The following PLPP4 variants were observed in gnomAD, a reference collection of about 807,000 sequenced individuals.
The protein encoded by PLPP4 is diacylglycerol pyrophosphate like 2.
A neutral mutation model predicts 32.2 loss-of-function variants in PLPP4; 20 were observed. That is an observed-to-expected ratio of 0.62 (90% CI 0.44 to 0.90). The LOEUF is 0.90. Ranked by LOEUF, PLPP4 falls within the 40% of genes least tolerant of loss-of-function variation. The probability of loss-of-function intolerance (pLI) is 0.00; values close to 1 mark genes in which losing one functional copy is unlikely to be tolerated. For missense variants in PLPP4, 257 were observed against 353.1 expected (o/e 0.73, Z 2.18); for synonymous variants, 127 against 133.0 (o/e 0.95, Z 0.31).
At chr10:120,559,754 T>C (rs1156745335) in intron 5 of PLPP4, among the ~76,000 whole-genome samples, 1 of 152,200 alleles carries the variant, frequency 6.6e-6, no homozygotes, top group Non-Finnish European at 1.5e-5. Context: ...ATAAAATATA[T>C]GTAGATACTA....
chr10:120,535,600 A>G lies in PLPP4; in HGVS notation c.445+14505A>G, dbSNP rs201630926. ...GTCTGTTTCTCCTTTTAGTTCTGTG[A>G]GGGTTTGCTTCATATATTTTGGAAC... On this transcript the variant is annotated intron_variant, in intron 5 of 6. Transcript: ENST00000398250. 2.6e-5 allele frequency among the ~76,000 whole-genome samples: 4 copies of G among 152,018 alleles called. No individual in the cohort carries two copies. The East Asian group carries it at 7.7e-4, about 29-fold the overall frequency.
chr10:120,571,506 G>T (rs1230234397), intron 5 of PLPP4, among the ~76,000 whole-genome samples: 4 of 152,140 alleles, frequency 2.6e-5, no homozygotes, highest in Admixed American at 2.0e-4. Context: ...TCTTTGAGAA[G>T]AGAGTAGCAA....
At chr10:120,529,921 C>T (rs1219727704) in intron 5 of PLPP4, among the ~76,000 whole-genome samples, 1 of 152,168 alleles carries the variant, frequency 6.6e-6, no homozygotes, top group Non-Finnish European at 1.5e-5. Flanking sequence ...CTCTGCACTC[C>T]AGCCTGGGCA....
intron 5 of PLPP4, among the ~76,000 whole-genome samples, chr10:120,553,484 C>A (rs1421679899): frequency 6.6e-6 from 1 of 152,240 alleles, no homozygotes; most frequent in Non-Finnish European, 1.5e-5. Context: ...TAATCATGGA[C>A]TTCCAAGCCT....
chr10:120,498,575 G>A (rs1845078791), intron 1 of PLPP4, among the ~76,000 whole-genome samples: 1 of 151,998 alleles, frequency 6.6e-6, no homozygotes, highest in Admixed American at 6.5e-5. Flanking sequence ...TGATACAATG[G>A]ATAACTAGTG....
chr10:120,518,209 A>G (rs1302444491), intron 3 of PLPP4, among the ~76,000 whole-genome samples: 1 of 152,224 alleles, frequency 6.6e-6, no homozygotes, highest in Non-Finnish European at 1.5e-5. Context: ...TGTATGGTCA[A>G]ATAATGTATC....
At chr10:120,554,694 C>A (rs1848068168) in intron 5 of PLPP4, among the ~76,000 whole-genome samples, 1 of 152,032 alleles carries the variant, frequency 6.6e-6, no homozygotes, top group African/African-American at 2.4e-5. Context: ...AACTTACAAT[C>A]ATGGCAGAAG....
intron 5 of PLPP4, among the ~76,000 whole-genome samples, chr10:120,533,436 A>G (rs1846839631): frequency 6.6e-6 from 1 of 152,122 alleles, no homozygotes; most frequent in African/African-American, 2.4e-5. Context: ...CAAATATATG[A>G]CTTGCAAATA....
intron 5 of PLPP4, among the ~76,000 whole-genome samples, chr10:120,564,539 C>CAG: frequency 1.3e-5 from 2 of 151,768 alleles, no homozygotes; most frequent in African/African-American, 4.8e-5. Context: ...TCTGTTTATT[C>CAG]TTAATTTGTC....
intron 3 of PLPP4, among the ~76,000 whole-genome samples, chr10:120,517,830 G>C (rs1290922660): frequency 6.6e-6 from 1 of 152,092 alleles, no homozygotes; most frequent in East Asian, 1.9e-4. Flanking sequence ...TCTCTCGATG[G>C]GCCATGAATT....
intron 1 of PLPP4, among the ~76,000 whole-genome samples, chr10:120,464,667 G>A (rs541025600): frequency 2.4e-4 from 36 of 152,272 alleles, no homozygotes; most frequent in African/African-American, 8.2e-4. Flanking sequence ...GAATTGAAGC[G>A]CTCTCAGCAT....
At chr10:120,510,281 C>T (rs911545456) in intron 2 of PLPP4, among the ~76,000 whole-genome samples, 1 of 152,162 alleles carries the variant, frequency 6.6e-6, no homozygotes, top group Non-Finnish European at 1.5e-5. Flanking sequence ...CAGCAGTGTT[C>T]GGCTGGAATT....
At position 120,591,021 on chromosome 10, in the gene PLPP4, G is replaced by T. The variant is rs563670350; in HGVS notation, c.*1519G>T. 1.3e-5 allele frequency among the ~76,000 whole-genome samples: 2 copies of T among 151,978 alleles called. No individual in the cohort carries two copies. Among genetic ancestry groups the T allele is most frequent in the Admixed American group, 1.3e-4 (2 of 15,252 alleles). ...TAGCCTCAAGTGATCTGCCCACCTC[G>T]GCCTCCCAAAGTGCTGGGATTATAA... On this transcript the variant is annotated 3_prime_UTR_variant, in exon 7 of 7. Coordinates refer to ENST00000398250, the MANE Select transcript of PLPP4 (RefSeq NM_001030059.3).
At chr10:120,579,490 A>T (rs1279106573) in intron 6 of PLPP4, among the ~76,000 whole-genome samples, 2 of 152,158 alleles carry the variant, frequency 1.3e-5, no homozygotes, top group Non-Finnish European at 2.9e-5. Flanking sequence ...AACTAAATAT[A>T]GTTACCAAGC....
chr10:120,572,415 G>C (rs1218025900), intron 5 of PLPP4, among the ~76,000 whole-genome samples: 4 of 152,198 alleles, frequency 2.6e-5, no homozygotes, highest in Non-Finnish European at 1.5e-5. Context: ...ATGTCTTAAA[G>C]TCTCCAAGTC....
chr10:120,576,087 A>G (rs1849210589), intron 6 of PLPP4, among the ~76,000 whole-genome samples: 1 of 151,976 alleles, frequency 6.6e-6, no homozygotes, highest in African/African-American at 2.4e-5. Flanking sequence ...TAGAAATTGG[A>G]CTCTCTAGGG....
intron 1 of PLPP4, among the ~76,000 whole-genome samples, chr10:120,485,868 T>C (rs910006461): frequency 6.6e-6 from 1 of 152,170 alleles, no homozygotes; most frequent in Non-Finnish European, 1.5e-5. Context: ...TTGTATTAGT[T>C]GGCCTAGGGT....
At chr10:120,478,415 A>T (rs1328633335) in intron 1 of PLPP4, among the ~76,000 whole-genome samples, 1 of 152,246 alleles carries the variant, frequency 6.6e-6, no homozygotes, top group African/African-American at 2.4e-5. Context: ...CACAGCTTTT[A>T]AACAACTTAT....
At chr10:120,527,123 T>C (rs1378450812) in intron 5 of PLPP4, among the ~76,000 whole-genome samples, 7 of 152,142 alleles carry the variant, frequency 4.6e-5, no homozygotes, top group Non-Finnish European at 8.8e-5. Context: ...TACCTATCTA[T>C]CAATCAATCA....
Sources: allele counts gnomAD v4.1 joint callset (sites outside exome capture counted in the v4.1 genomes callset), GRCh38; gene constraint gnomAD v4.1.1; transcripts MANE v1.5; gene names NCBI Gene and HGNC (gene_info 2026-07-23, HGNC 2026-07-21).